The following FMN1 variants were observed in gnomAD, a reference collection of about 807,000 sequenced individuals.
FMN1 encodes the protein formin-1.
In FMN1, 110 loss-of-function variants were observed where a neutral mutation model predicts 132.4. That is an observed-to-expected ratio of 0.83 (90% CI 0.71 to 0.97). FMN1 has a LOEUF of 0.97. FMN1 is among the 50% of genes least tolerant of loss of function. The probability of loss-of-function intolerance (pLI) is 0.00; values close to 1 mark genes in which losing one functional copy is unlikely to be tolerated. For synonymous variants in FMN1, 722 were observed against 651.7 expected, an observed-to-expected ratio of 1.11 and a Z score of -1.64; for missense variants, 1,792 against 1,705.3, an observed-to-expected ratio of 1.05 and a Z score of -0.90.
chr15:33,182,462 CCT>C (rs1965737894), intron 2 of FMN1, among the ~76,000 whole-genome samples: 1 of 152,234 alleles, frequency 6.6e-6, no homozygotes, highest in African/African-American at 2.4e-5. Context: ...TGCCCTATCA[CCT>C]CACATTTCTT....
chr15:33,124,931 C>T (rs2140192477), intron 4 of FMN1, among the ~76,000 whole-genome samples: 1 of 152,018 alleles, frequency 6.6e-6, no homozygotes, highest in Non-Finnish European at 1.5e-5. Flanking sequence ...CTATGTGCCA[C>T]TCCCCTCCAC....
intron 18 of FMN1, among the ~76,000 whole-genome samples, chr15:32,800,661 GGT>G (rs1210458459): frequency 1.3e-5 from 2 of 152,342 alleles, no homozygotes; most frequent in African/African-American, 4.8e-5. Flanking sequence ...TCATTTTATA[GGT>G]GACAAAACAG....
intron 17 of FMN1, among the ~76,000 whole-genome samples, chr15:32,833,561 G>A (rs2058553822): frequency 6.6e-6 from 1 of 152,150 alleles, no homozygotes; most frequent in Non-Finnish European, 1.5e-5. Context: ...CAAGTCCCCG[G>A]CCCAAAAGTG....
At chr15:32,973,795 C>T (rs1445912520) in intron 7 of FMN1, among the ~76,000 whole-genome samples, 5 of 152,174 alleles carry the variant, frequency 3.3e-5, no homozygotes, top group African/African-American at 1.2e-4. Context: ...CAAGTTCATG[C>T]ATACCATGCA....
rs202125839 is a variant in FMN1 at position 32,889,117 on chromosome 15, A to G, written c.3715-825T>C. ...CGATCCTCCAGCCTTGGCTTCCCCA[A>G]AATTCTTCATATATTTGAAAAGCTT... On this transcript the variant is annotated intron_variant, in intron 15 of 20. Transcript: ENST00000616417. Among the ~76,000 whole-genome samples the G allele has an allele frequency of 7.0e-3, 1,062 of 152,176 alleles. 7 individuals carry two copies. The highest frequency in any genetic ancestry group is 0.011 in the Non-Finnish European group (766 of 67,992).
At chr15:33,171,313 A>G (rs1247919118) in intron 3 of FMN1, among the ~76,000 whole-genome samples, 1 of 152,210 alleles carries the variant, frequency 6.6e-6, no homozygotes, top group Non-Finnish European at 1.5e-5. Flanking sequence ...GAGTAACTAT[A>G]GTTAACAGCA....
At chr15:32,907,574 G>A (rs1011812771) in intron 12 of FMN1, among the ~76,000 whole-genome samples, 2 of 152,198 alleles carry the variant, frequency 1.3e-5, no homozygotes, top group African/African-American at 4.8e-5. Context: ...GGACCCAAGG[G>A]ACAAGGCATG....
chr15:33,144,374 C>T (rs2468754), intron 4 of FMN1, among the ~76,000 whole-genome samples: 70,106 of 151,444 alleles, frequency 0.46, 16,471 homozygotes, highest in East Asian at 0.68. Context: ...TGGTGGCTCA[C>T]TCCTGTAATC....
At chr15:33,088,047 G>A (rs193061208) in intron 5 of FMN1, among the ~76,000 whole-genome samples, 1 of 152,142 alleles carries the variant, frequency 6.6e-6, no homozygotes, top group East Asian at 1.9e-4. Flanking sequence ...AATGGACTTT[G>A]GGGACTTGAG....
chr15:33,098,175 G>C (rs532368148), intron 4 of FMN1, among the ~76,000 whole-genome samples: 30 of 152,266 alleles, frequency 2.0e-4, no homozygotes, highest in African/African-American at 6.0e-4. Context: ...GAATCACAAA[G>C]GAAATTAGAA....
chr15:32,922,919 T>C (rs940353812), intron 10 of FMN1, among the ~76,000 whole-genome samples: 4 of 152,212 alleles, frequency 2.6e-5, no homozygotes, highest in Non-Finnish European at 4.4e-5. Flanking sequence ...GGAAATGACA[T>C]TTTAATGGGG....
intron 17 of FMN1, among the ~76,000 whole-genome samples, chr15:32,823,506 G>T (rs1298070126): frequency 6.6e-6 from 1 of 152,002 alleles, no homozygotes; most frequent in African/African-American, 2.4e-5. Context: ...TGGGCCCAAA[G>T]AGGTCATCTC....
chr15:32,968,824 G>C lies in FMN1; in HGVS notation c.2877C>G (p.Leu959=). 1 of 1,609,546 alleles carries C rather than the reference G, an allele frequency of 6.2e-7. No homozygotes were observed. The highest frequency in any genetic ancestry group is 8.5e-7 in the Non-Finnish European group (1 of 1,177,558). Residue 959 remains leucine (L), a synonymous_variant, in exon 8 of 21, where the codon CTC becomes CTG. Transcript: ENST00000616417. The part of the protein sequence containing the change: ...PGLAPPPPPG[L]FFGLGSSSSQ... ...TGGAAGAAGAGCCAAGTCCAAAGAAGAGTCCAGGGGGAGGTGGGGGTGCAA... is the reference window on the plus strand; with the variant it reads ...TGGAAGAAGAGCCAAGTCCAAAGAACAGTCCAGGGGGAGGTGGGGGTGCAA...
intron 17 of FMN1, among the ~76,000 whole-genome samples, chr15:32,815,487 A>G (rs1416403552): frequency 1.3e-5 from 2 of 152,180 alleles, no homozygotes; most frequent in Non-Finnish European, 2.9e-5. Context: ...TAACTTGTCC[A>G]TATGTACACT....
intron 19 of FMN1, among the ~76,000 whole-genome samples, chr15:32,797,971 C>T (rs2057344325): frequency 1.3e-5 from 2 of 152,054 alleles, no homozygotes; most frequent in South Asian, 2.1e-4. Context: ...TATCATTTTC[C>T]TTACGCTGAG....
At chr15:32,986,672 C>T (rs997006736) in intron 7 of FMN1, among the ~76,000 whole-genome samples, 1 of 152,082 alleles carries the variant, frequency 6.6e-6, no homozygotes, top group Non-Finnish European at 1.5e-5. Flanking sequence ...CTTGGAACAT[C>T]AAGATGCATG....
intron 19 of FMN1, among the ~76,000 whole-genome samples, chr15:32,795,962 C>T (rs778036717): frequency 2.0e-5 from 3 of 152,156 alleles, no homozygotes; most frequent in African/African-American, 2.4e-5. Flanking sequence ...TTCCTTCTGC[C>T]GAACCACAGA....
intron 16 of FMN1, among the ~76,000 whole-genome samples, chr15:32,863,483 CAT>C (rs756098052): frequency 4.6e-5 from 7 of 152,170 alleles, no homozygotes; most frequent in East Asian, 1.9e-4. Context: ...CAATTCAACA[CAT>C]GTCTACTGAG....
At chr15:32,836,147 G>C (rs957164513) in intron 17 of FMN1, among the ~76,000 whole-genome samples, 5 of 152,036 alleles carry the variant, frequency 3.3e-5, no homozygotes, top group African/African-American at 1.2e-4. Context: ...AGGTGTGAGC[G>C]ACTGCTCACA....
Sources: gnomAD v4.1 joint callset for allele counts (sites outside exome capture counted in the v4.1 genomes callset) on GRCh38, gnomAD v4.1.1 for gene constraint, MANE v1.5 for transcripts, NCBI Gene and HGNC (gene_info 2026-07-23, HGNC 2026-07-21) for gene names.